SGCZ: variants seen among roughly 807,000 people sequenced by gnomAD.
SGCZ encodes the protein zeta-sarcoglycan.
A neutral mutation model predicts 41.3 loss-of-function variants in SGCZ; 40 were observed. The ratio of observed to expected loss-of-function variants is 0.97; its 90% CI spans 0.75 to 1.26. SGCZ has a LOEUF of 1.26. SGCZ is among the 50% of genes most tolerant of loss of function. The pLI, the probability that SGCZ is intolerant of heterozygous loss-of-function variation, is 0.00. For missense variants in SGCZ, 552 were observed against 369.8 expected, an observed-to-expected ratio of 1.49 and a Z score of -4.04; for synonymous variants, 206 against 137.5, an observed-to-expected ratio of 1.50 and a Z score of -3.49.
chr8:14,553,642 TGTG>T (rs1217374838), intron 2 of SGCZ, among the ~76,000 whole-genome samples: 1 of 151,994 alleles, frequency 6.6e-6, no homozygotes, highest in Non-Finnish European at 1.5e-5. Flanking sequence ...CTCACATAAT[TGTG>T]GTGCCTTACA....
rs999972082 is a variant in SGCZ at position 14,126,822 on chromosome 8, A to T, written c.548-18587T>A. Among the ~76,000 whole-genome samples, 7 of 152,184 alleles carry T rather than the reference A, an allele frequency of 4.6e-5. No individual in the cohort carries two copies. In the South Asian group the frequency reaches 1.5e-3, roughly 32 times the overall value. On this transcript the variant is annotated intron_variant, in intron 5 of 7. Coordinates refer to ENST00000382080, the MANE Select transcript of SGCZ (RefSeq NM_139167.4). ...TGCAGCCATAAAAGGGAATGAGATCATGTCGTTTGCAGGGACATGGATGAA... is the reference window on the plus strand; with the variant it reads ...TGCAGCCATAAAAGGGAATGAGATCTTGTCGTTTGCAGGGACATGGATGAA...
At chr8:14,582,755 G>A (rs1201939910) in intron 1 of SGCZ, among the ~76,000 whole-genome samples, 2 of 147,802 alleles carry the variant, frequency 1.4e-5, no homozygotes, top group African/African-American at 5.0e-5. Flanking sequence ...GAGAACATGT[G>A]GTGTTTGGTT....
intron 4 of SGCZ, chr8:14,165,306 A>G (rs1804174356): frequency 6.6e-6 from 1 of 152,150 alleles, no homozygotes; most frequent in Admixed American, 6.6e-5. Context: ...CTTCCAATCA[A>G]TAATTTTCCT....
intron 1 of SGCZ, among the ~76,000 whole-genome samples, chr8:14,612,319 A>C (rs1805956355): frequency 6.6e-6 from 1 of 152,066 alleles, no homozygotes; most frequent in Non-Finnish European, 1.5e-5. Flanking sequence ...ATGCTTTACA[A>C]GTGTTTGGCA....
intron 5 of SGCZ, among the ~76,000 whole-genome samples, chr8:14,120,783 G>C (rs1802673496): frequency 6.6e-6 from 1 of 152,090 alleles, no homozygotes; most frequent in Non-Finnish European, 1.5e-5. Flanking sequence ...GCATTAAAGA[G>C]ATGTTAATTA....
intron 1 of SGCZ, among the ~76,000 whole-genome samples, chr8:14,793,810 G>C (rs1308555762): frequency 3.3e-5 from 5 of 152,088 alleles, no homozygotes; most frequent in African/African-American, 1.2e-4. Context: ...CAGAAGTCTA[G>C]AGATTTTCTA....
At chr8:14,384,631 C>G (rs1225344405) in intron 2 of SGCZ, among the ~76,000 whole-genome samples, 10 of 152,198 alleles carry the variant, frequency 6.6e-5, no homozygotes, top group Non-Finnish European at 1.3e-4. Flanking sequence ...ACCATCTCAG[C>G]TCACTGAAAC....
At chr8:15,150,451 G>A (rs1799146322) in intron 1 of SGCZ, among the ~76,000 whole-genome samples, 1 of 152,122 alleles carries the variant, frequency 6.6e-6, no homozygotes, top group Admixed American at 6.5e-5. Flanking sequence ...CTGAGCATAG[G>A]TAAAGCCACG....
intron 1 of SGCZ, among the ~76,000 whole-genome samples, chr8:14,695,151 G>A (rs958892731): frequency 6.6e-6 from 1 of 151,666 alleles, no homozygotes; most frequent in Non-Finnish European, 1.5e-5. Flanking sequence ...GTTGCAATGG[G>A]AGTTAAAATA....
At chr8:14,699,847 A>G (rs189116112) in intron 1 of SGCZ, among the ~76,000 whole-genome samples, 1 of 152,112 alleles carries the variant, frequency 6.6e-6, no homozygotes, top group Admixed American at 6.6e-5. Flanking sequence ...ACGAATATAT[A>G]AAAATATGCT....
In SGCZ at chr8:14,720,097, T is replaced by C. The variant is rs536828960; in HGVS notation, c.40-165171A>G. Among the ~76,000 whole-genome samples, 220 of 152,184 alleles carry C rather than the reference T, an allele frequency of 1.4e-3. 1 individual carries two copies. Among genetic ancestry groups the C allele is most frequent in the Non-Finnish European group, 2.6e-3 (175 of 67,990 alleles). ...TGGCTAGCCAGTTTTCCCAGCAAGT[T>C]CTTTGTCTTTTTTCTGACTTATATT... On this transcript the variant is annotated intron_variant, in intron 1 of 7. Coordinates refer to ENST00000382080, the MANE Select transcript of SGCZ (RefSeq NM_139167.4).
chr8:14,978,338 A>AT (rs2130875814), intron 1 of SGCZ, among the ~76,000 whole-genome samples: 1 of 132,418 alleles, frequency 7.6e-6, no homozygotes, highest in African/African-American at 3.4e-5. Context: ...GCGTGGTGCC[A>AT]TGGGTACCTG....
chr8:14,652,906 T>C (rs751856559), intron 1 of SGCZ, among the ~76,000 whole-genome samples: 2 of 152,110 alleles, frequency 1.3e-5, no homozygotes, highest in Admixed American at 6.6e-5. Flanking sequence ...TTTCCCATTA[T>C]TGTAAATTGG....
At chr8:15,198,197 T>C (rs1187521386) in intron 1 of SGCZ, among the ~76,000 whole-genome samples, 5 of 151,778 alleles carry the variant, frequency 3.3e-5, no homozygotes, top group Non-Finnish European at 5.9e-5. Context: ...ATTAAAAATG[T>C]AAAGCTAAGC....
chr8:14,268,211 T>G (rs1799941550), intron 3 of SGCZ, among the ~76,000 whole-genome samples: 1 of 149,114 alleles, frequency 6.7e-6, no homozygotes, highest in Non-Finnish European at 1.5e-5. Flanking sequence ...TATATAGAAA[T>G]TATATATAAA....
rs1265082656 is a variant in SGCZ at position 14,265,206 on chromosome 8, G to C, written c.337-27527C>G. Among the ~76,000 whole-genome samples, 12 of 152,130 alleles carry C rather than the reference G, an allele frequency of 7.9e-5. No individual in the cohort carries two copies. The East Asian group carries it at 2.1e-3, about 27-fold the overall frequency. On this transcript the variant is annotated intron_variant, in intron 3 of 7. Coordinates refer to ENST00000382080, the MANE Select transcript of SGCZ (RefSeq NM_139167.4). ...TTAAAACCCTTTTCCCATTTGTCCT[G>C]AGAATACCAGTCATTGGCACTCAAG...
intron 1 of SGCZ, among the ~76,000 whole-genome samples, chr8:14,973,607 C>T (rs757477960): frequency 6.6e-6 from 1 of 152,160 alleles, no homozygotes; most frequent in African/African-American, 2.4e-5. Flanking sequence ...ACATCCAATG[C>T]AACTCCTTTT....
At chr8:15,062,907 T>TA (rs1454659865) in intron 1 of SGCZ, among the ~76,000 whole-genome samples, 1 of 151,980 alleles carries the variant, frequency 6.6e-6, no homozygotes, top group Non-Finnish European at 1.5e-5. Flanking sequence ...AAAGCATAGT[T>TA]AAAATAGACC....
At chr8:15,190,613 T>C (rs1049835864) in intron 1 of SGCZ, among the ~76,000 whole-genome samples, 4 of 151,940 alleles carry the variant, frequency 2.6e-5, no homozygotes, top group African/African-American at 2.4e-5. Flanking sequence ...GTTGATATCA[T>C]TCAGATGTTT....
Sources: gnomAD v4.1 joint callset for allele counts (sites outside exome capture counted in the v4.1 genomes callset) on GRCh38, gnomAD v4.1.1 for gene constraint, MANE v1.5 for transcripts, NCBI Gene and HGNC (gene_info 2026-07-23, HGNC 2026-07-21) for gene names.